The following DLG2 variants were observed in gnomAD, a reference collection of about 807,000 sequenced individuals.
DLG2 encodes discs large MAGUK scaffold protein 2, also known as disks large homolog 2.
DLG2 carries 45 observed loss-of-function variants against 132.5 expected under a neutral mutation model. That is an observed-to-expected ratio of 0.34 (90% CI 0.27 to 0.44). The LOEUF (loss-of-function observed/expected upper bound fraction) is 0.44. Ranked by LOEUF, DLG2 falls within the 20% of genes least tolerant of loss-of-function variation. The pLI is 1.00. For synonymous variants in DLG2, 424 were observed against 419.6 expected, an observed-to-expected ratio of 1.01 and a Z score of -0.13; for missense variants, 1,045 against 1,196.9, an observed-to-expected ratio of 0.87 and a Z score of 1.87.
chr11:84,669,940 G>A (rs1471148473), intron 6 of DLG2, among the ~76,000 whole-genome samples: 1 of 152,166 alleles, frequency 6.6e-6, no homozygotes, highest in Non-Finnish European at 1.5e-5. Context: ...CTTCCTTGAA[G>A]AGAGACCAGC....
At chr11:84,004,554 C>T (rs533001261) in intron 11 of DLG2, among the ~76,000 whole-genome samples, 1 of 151,916 alleles carries the variant, frequency 6.6e-6, no homozygotes, top group Admixed American at 6.6e-5. Context: ...AAATACTACA[C>T]CAAAAAACTC....
chr11:84,953,875 G>C (rs899048042), intron 6 of DLG2, among the ~76,000 whole-genome samples: 4 of 152,110 alleles, frequency 2.6e-5, no homozygotes, highest in Non-Finnish European at 4.4e-5. Context: ...GTTCCAGGCA[G>C]TTGAAATGCT....
At chr11:83,990,629 A>G (rs960958900) in intron 11 of DLG2, among the ~76,000 whole-genome samples, 4 of 152,168 alleles carry the variant, frequency 2.6e-5, no homozygotes, top group African/African-American at 9.6e-5. Context: ...TTATGATTAC[A>G]ATGTACCCGA....
At chr11:84,151,957 C>T (rs2095305890) in intron 9 of DLG2, among the ~76,000 whole-genome samples, 1 of 152,040 alleles carries the variant, frequency 6.6e-6, no homozygotes, top group Non-Finnish European at 1.5e-5. Flanking sequence ...CTTGCTTTAC[C>T]AGTAAAGCAT....
chr11:85,242,088 C>T (rs1266341542), intron 4 of DLG2, among the ~76,000 whole-genome samples: 1 of 151,922 alleles, frequency 6.6e-6, no homozygotes, highest in Non-Finnish European at 1.5e-5. Context: ...GCCTCTGTCC[C>T]AAAGAGTATG....
rs2092370894 is a variant in DLG2 at position 85,454,925 on chromosome 11, C to G, written c.40+143732G>C. ...CGTATCAGTGTTTTCATTACTACAG[C>G]CTTGTAGTATACTTTGAAGTCAGGT... is the stretch of plus-strand genomic sequence containing the variant. On this transcript the variant is annotated intron_variant, in intron 3 of 27. Coordinates refer to ENST00000376104, the MANE Select transcript of DLG2 (RefSeq NM_001142699.3). Among the ~76,000 whole-genome samples the G allele has an allele frequency of 1.3e-5, 2 of 152,058 alleles. 1 individual carries two copies. Among genetic ancestry groups the G allele is most frequent in the South Asian group, 4.1e-4 (2 of 4,822 alleles).
intron 7 of DLG2, among the ~76,000 whole-genome samples, chr11:84,457,880 A>G (rs1443115893): frequency 2.0e-5 from 3 of 150,962 alleles, no homozygotes; most frequent in African/African-American, 7.3e-5. Flanking sequence ...ATGAAGCAAT[A>G]CATAGAATAC....
In DLG2 at chr11:84,557,188, C is replaced by T. The variant is rs760303739; in HGVS notation, c.358-22457G>A. ...ATTTTGTAGTTGTGGTTAACATCTA[C>T]AATCAGTTGACTTTAAGTAAAGGAA... On this transcript the variant is annotated intron_variant, in intron 6 of 27. Coordinates refer to ENST00000376104, the MANE Select transcript of DLG2 (RefSeq NM_001142699.3). 9.1e-4 allele frequency among the ~76,000 whole-genome samples: 138 copies of T among 152,012 alleles called. 1 individual carries two copies. Among genetic ancestry groups the T allele is most frequent in the Non-Finnish European group, 7.4e-5 (5 of 67,996 alleles).
chr11:83,887,716 C>A (rs56408397), intron 15 of DLG2, among the ~76,000 whole-genome samples: 50,889 of 144,254 alleles, frequency 0.35, 8,903 homozygotes, highest in South Asian at 0.48. Flanking sequence ...TACTGGCAAA[C>A]CGAATCCAGC....
At chr11:84,885,764 T>G (rs2088172282) in intron 6 of DLG2, among the ~76,000 whole-genome samples, 1 of 152,082 alleles carries the variant, frequency 6.6e-6, no homozygotes, top group Non-Finnish European at 1.5e-5. Flanking sequence ...CACCTTAACA[T>G]TGACCCTTTT....
At chr11:84,450,215 CCTTAT>C (rs2099047655) in intron 7 of DLG2, among the ~76,000 whole-genome samples, 1 of 151,784 alleles carries the variant, frequency 6.6e-6, no homozygotes, top group Non-Finnish European at 1.5e-5. Context: ...CTCTCAACAT[CCTTAT>C]CTTTAAGCCA....
chr11:84,093,832 T>C (rs1056683732), intron 10 of DLG2, among the ~76,000 whole-genome samples: 1 of 151,784 alleles, frequency 6.6e-6, no homozygotes, highest in African/African-American at 2.4e-5. Context: ...CCAGGCTGGT[T>C]TTGAACTCTT....
intron 21 of DLG2, among the ~76,000 whole-genome samples, chr11:83,511,024 G>T (rs1475852694): frequency 4.8e-5 from 4 of 83,266 alleles, no homozygotes; most frequent in East Asian, 3.0e-4. Context: ...CCAATACTAC[G>T]TTTTGAGAAA....
chr11:83,968,736 G>C (rs906695522), intron 12 of DLG2, among the ~76,000 whole-genome samples: 2 of 152,118 alleles, frequency 1.3e-5, no homozygotes, highest in African/African-American at 4.8e-5. Flanking sequence ...AAGTGTCAGA[G>C]GCAGAATTCA....
chr11:83,569,855 T>C (rs1321718992), intron 19 of DLG2, among the ~76,000 whole-genome samples: 1 of 152,218 alleles, frequency 6.6e-6, no homozygotes, highest in Non-Finnish European at 1.5e-5. Context: ...GAAAAATTCA[T>C]CCCATCTGAA....
intron 17 of DLG2, among the ~76,000 whole-genome samples, chr11:83,816,118 C>T (rs1280028581): frequency 6.6e-6 from 1 of 152,094 alleles, no homozygotes; most frequent in East Asian, 1.9e-4. Flanking sequence ...TTCTTGATAT[C>T]TTTATAAAAA....
chr11:85,039,352 T>G lies in DLG2; in HGVS notation c.357+72309A>C, dbSNP rs183245699. On this transcript the variant is annotated intron_variant, in intron 6 of 27. Coordinates refer to ENST00000376104, the MANE Select transcript of DLG2 (RefSeq NM_001142699.3). ...ATATCCAGTCTAGGTAGTTGATCAG[T>G]ACACGCCAAATGCTGAAATACTTCT... 3.3e-5 allele frequency among the ~76,000 whole-genome samples: 5 copies of G among 152,074 alleles called. No homozygotes were observed. In the East Asian group the frequency reaches 9.7e-4, roughly 29 times the overall value.
chr11:84,286,666 A>AT (rs765537216), intron 7 of DLG2, among the ~76,000 whole-genome samples: 1 of 152,100 alleles, frequency 6.6e-6, no homozygotes, highest in African/African-American at 2.4e-5. Flanking sequence ...GGCACACTCA[A>AT]TTTTTTCCCT....
intron 3 of DLG2, among the ~76,000 whole-genome samples, chr11:85,428,063 A>C (rs2090900984): frequency 6.6e-6 from 1 of 152,262 alleles, no homozygotes; most frequent in African/African-American, 2.4e-5. Context: ...GATCAATTCA[A>C]CAAGAAGAGC....
Sources: allele counts gnomAD v4.1 joint callset (sites outside exome capture counted in the v4.1 genomes callset), GRCh38; gene constraint gnomAD v4.1.1; transcripts MANE v1.5; gene names NCBI Gene and HGNC (gene_info 2026-07-23, HGNC 2026-07-21).